C1orf198: variants seen among roughly 807,000 people sequenced by gnomAD.
C1orf198 encodes the protein uncharacterized protein C1orf198.
C1orf198 carries 17 observed loss-of-function variants against 31.4 expected under a neutral mutation model. That is an observed-to-expected ratio of 0.54 (90% confidence interval 0.37 to 0.81). The LOEUF is 0.81. C1orf198 is among the 40% of genes least tolerant of loss of function. The probability of loss-of-function intolerance (pLI) is 0.00; values close to 1 mark genes in which losing one functional copy is unlikely to be tolerated. For synonymous variants in C1orf198, 175 were observed against 193.8 expected (o/e 0.90, Z 0.81); for missense variants, 401 against 450.3 (o/e 0.89, Z 0.99).
At chr1:230,860,599 A>C (rs1669983211) in intron 1 of C1orf198, among the ~76,000 whole-genome samples, 1 of 152,232 alleles carries the variant, frequency 6.6e-6, no homozygotes, top group Admixed American at 6.5e-5. Flanking sequence ...TTAGTGAACT[A>C]AGCCAGACAC....
chr1:230,855,663 C>T lies in C1orf198; in HGVS notation c.384+5G>A, dbSNP rs1669853443. On this transcript the variant is annotated splice_donor_5th_base_variant and intron_variant, in intron 2 of 3. Transcript: ENST00000366663. ...ACAAATAGATCTAAATTTAATCCAA[C>T]TTACCTTTGTTTCCCAGGAGAAAGG... The T allele has an allele frequency of 1.2e-6, 2 of 1,611,962 alleles. No individual in the cohort carries two copies. The highest frequency in any genetic ancestry group is 1.1e-5 in the South Asian group (1 of 90,688).
chr1:230,849,048 C>A (rs1402987448), intron 2 of C1orf198, among the ~76,000 whole-genome samples: 4 of 152,240 alleles, frequency 2.6e-5, no homozygotes, highest in African/African-American at 7.2e-5. Context: ...GACACACCGA[C>A]ATGCAGACCA....
chr1:230,838,541 C>T lies in C1orf198; in HGVS notation c.*1311G>A, dbSNP rs1669361537. Reference sequence around the variant, plus strand: ...AAAAAAAAAAAAAAAGAAGAAGACACACTTTGGTATTGAAACCGAGCGCTC... The same window carrying T: ...AAAAAAAAAAAAAAAGAAGAAGACATACTTTGGTATTGAAACCGAGCGCTC... On this transcript the variant is annotated 3_prime_UTR_variant, in exon 4 of 4. Coordinates refer to ENST00000366663, the MANE Select transcript of C1orf198 (RefSeq NM_032800.3). The surrounding 1 kb of genome is among the most constrained non-coding windows in gnomAD (Gnocchi z 4.2). The T allele has an allele frequency of 6.6e-6, 1 of 152,128 alleles. No individual in the cohort carries two copies. The highest frequency in any genetic ancestry group is 1.5e-5 in the Non-Finnish European group (1 of 67,970). 9.4% of individuals were successfully genotyped at this position (152,128 alleles called of 1,614,324 possible). A position where few individuals can be genotyped will look rare whatever the true frequency, so the allele number is the denominator to read the frequency against.
intron 1 of C1orf198, among the ~76,000 whole-genome samples, chr1:230,865,086 G>T (rs1186654989): frequency 6.6e-6 from 1 of 152,194 alleles, no homozygotes; most frequent in Non-Finnish European, 1.5e-5. Flanking sequence ...GACCCAAAGT[G>T]CACGGCCCCA....
In C1orf198 at chr1:230,838,922, T is replaced by A. The variant is rs1669373677; in HGVS notation, c.*930A>T. The A allele has an allele frequency of 6.6e-6, 1 of 152,322 alleles. No homozygotes were observed. Among genetic ancestry groups the A allele is most frequent in the Admixed American group, 6.5e-5 (1 of 15,272 alleles). 9.4% of individuals were successfully genotyped at this position (152,322 alleles called of 1,614,324 possible). A position where few individuals can be genotyped will look rare whatever the true frequency, so the allele number is the denominator to read the frequency against. On this transcript the variant is annotated 3_prime_UTR_variant, in exon 4 of 4. Coordinates refer to ENST00000366663, the MANE Select transcript of C1orf198 (RefSeq NM_032800.3). This position sits in a 1 kb window ranked among gnomAD's most constrained non-coding sequence, Gnocchi z 4.2. ...GACGCAACCTGGCTAGCCCTTGGGA[T>A]AAAGAATGCCCACTGCTCCCATCAG...
At chr1:230,848,983 T>G (rs1477809159) in intron 2 of C1orf198, among the ~76,000 whole-genome samples, 1 of 152,210 alleles carries the variant, frequency 6.6e-6, no homozygotes. Context: ...TGTACTGGTA[T>G]GTGTGCACAC....
intron 1 of C1orf198, among the ~76,000 whole-genome samples, chr1:230,862,051 A>C (rs974104521): frequency 3.2e-4 from 48 of 152,212 alleles, no homozygotes; most frequent in African/African-American, 1.1e-3. Flanking sequence ...TAGGTTGCAG[A>C]GTGTGTCACC....
At position 230,849,748 on chromosome 1, in the gene C1orf198, G is replaced by A. The variant is rs74144849; in HGVS notation, c.385-5852C>T. On this transcript the variant is annotated intron_variant, in intron 2 of 3. Transcript: ENST00000366663. ...GACAGATCTAAATTGTTGAGACAAA[G>A]GCTACAGAAGCCTTGTCAGAAAAGA... Among the ~76,000 whole-genome samples the A allele has an allele frequency of 2.3e-3, 348 of 152,344 alleles. 1 individual carries two copies. The highest frequency in any genetic ancestry group is 0.01 in the Middle Eastern group (3 of 294).
At chr1:230,841,053 A>G (rs953357167) in intron 3 of C1orf198, among the ~76,000 whole-genome samples, 1 of 152,136 alleles carries the variant, frequency 6.6e-6, no homozygotes, top group African/African-American at 2.4e-5. Flanking sequence ...ACTATCACCT[A>G]TTTTATGGAA....
chr1:230,866,029 C>A (rs1670112626), intron 1 of C1orf198, among the ~76,000 whole-genome samples: 1 of 152,206 alleles, frequency 6.6e-6, no homozygotes, highest in African/African-American at 2.4e-5. Context: ...ATCTAGTTTA[C>A]AGTCCTTTAG....
rs1669494560 is a variant in C1orf198 at position 230,843,246 on chromosome 1, A to G, written c.927+108T>C. On this transcript the variant is annotated intron_variant, in intron 3 of 3. Transcript: ENST00000366663. The surrounding 1 kb of genome is among the most constrained non-coding windows in gnomAD (Gnocchi z 4.9). ...GAGGAAGAGGCAGGGGAAGGAGAAGAAAAAGAGCATGGGCACCTGTGGCCT... is the reference window on the plus strand; with the variant it reads ...GAGGAAGAGGCAGGGGAAGGAGAAGGAAAAGAGCATGGGCACCTGTGGCCT... 1.5e-6 allele frequency: 2 copies of G among 1,307,822 alleles called. No homozygotes were observed. Among genetic ancestry groups the G allele is most frequent in the East Asian group, 2.6e-5 (1 of 39,116 alleles). The allele number at this position is 1,307,822 out of a possible 1,614,324, so 81.0% of individuals were successfully genotyped here.
chr1:230,844,000 A>G lies in C1orf198; in HGVS notation c.385-104T>C, dbSNP rs964980082. On this transcript the variant is annotated intron_variant, in intron 2 of 3. Coordinates refer to ENST00000366663, the MANE Select transcript of C1orf198 (RefSeq NM_032800.3). The surrounding 1 kb of genome is among the most constrained non-coding windows in gnomAD (Gnocchi z 4.9). ...ACCCCTCCTCAGCATAAGGACGCAC[A>G]CCAGCCACACACGAGTTGTTGCCCA... 5 of 1,176,946 alleles carry G rather than the reference A, an allele frequency of 4.2e-6. No homozygotes were observed. Among genetic ancestry groups the G allele is most frequent in the Non-Finnish European group, 5.8e-6 (5 of 858,406 alleles). 72.9% of individuals were successfully genotyped at this position (1,176,946 alleles called of 1,614,324 possible). A position where few individuals can be genotyped will look rare whatever the true frequency, so the allele number is the denominator to read the frequency against.
chr1:230,858,615 G>C (rs949666970), intron 1 of C1orf198, among the ~76,000 whole-genome samples: 2 of 152,214 alleles, frequency 1.3e-5, no homozygotes, highest in African/African-American at 4.8e-5. Flanking sequence ...TCCAGAATCA[G>C]ACAGGCCACT....
chr1:230,851,836 A>G (rs1270250214), intron 2 of C1orf198, among the ~76,000 whole-genome samples: 2 of 152,224 alleles, frequency 1.3e-5, no homozygotes, highest in African/African-American at 4.8e-5. Context: ...GCTGCGTTGC[A>G]TGGGGGCAGC....
At chr1:230,861,693 A>G (rs1022026321) in intron 1 of C1orf198, among the ~76,000 whole-genome samples, 3 of 152,180 alleles carry the variant, frequency 2.0e-5, no homozygotes, top group South Asian at 2.1e-4. Flanking sequence ...TATTCATCAC[A>G]TTCTGCAAGT....
chr1:230,845,230 A>C (rs995583198), intron 2 of C1orf198, among the ~76,000 whole-genome samples: 1 of 150,974 alleles, frequency 6.6e-6, no homozygotes, highest in Non-Finnish European at 1.5e-5. Flanking sequence ...AAAAAAAAAA[A>C]AAAAGGCCAG....
At chr1:230,851,327 A>C (rs1480109185) in intron 2 of C1orf198, among the ~76,000 whole-genome samples, 1 of 152,104 alleles carries the variant, frequency 6.6e-6, no homozygotes, top group Non-Finnish European at 1.5e-5. Context: ...ACAGGGTCAC[A>C]ACGCCCAGCC....
intron 2 of C1orf198, among the ~76,000 whole-genome samples, chr1:230,854,559 CA>C (rs1369800106): frequency 6.6e-6 from 1 of 152,188 alleles, no homozygotes; most frequent in Admixed American, 6.5e-5. Flanking sequence ...ATGCCTTCCC[CA>C]AAACCACCTC....
intron 2 of C1orf198, among the ~76,000 whole-genome samples, chr1:230,844,155 T>C (rs1021668253): frequency 5.3e-5 from 8 of 152,016 alleles, no homozygotes; most frequent in African/African-American, 1.7e-4. Flanking sequence ...CCAAATCTCA[T>C]GTCGAACTGT....
Sources: allele counts gnomAD v4.1 joint callset (sites outside exome capture counted in the v4.1 genomes callset), GRCh38; gene constraint gnomAD v4.1.1; non-coding constraint Gnocchi (gnomAD v3.1); transcripts MANE v1.5; gene names NCBI Gene and HGNC (gene_info 2026-07-23, HGNC 2026-07-21).